Variants in HDAC9 observed in about 807,000 individuals in gnomAD.
HDAC9 encodes the protein histone deacetylase 9, also known as MEF-2 interacting transcription repressor (MITR) protein.
In HDAC9, 41 loss-of-function variants were observed where a neutral mutation model predicts 139.4. That is an observed-to-expected ratio of 0.29 (90% CI 0.23 to 0.38). HDAC9 has a LOEUF of 0.38. Ranked by LOEUF, HDAC9 falls within the 10% of genes least tolerant of loss-of-function variation. The pLI, the probability that HDAC9 is intolerant of heterozygous loss-of-function variation, is 1.00. For synonymous variants in HDAC9, 517 were observed against 476.2 expected, an observed-to-expected ratio of 1.09 and a Z score of -1.12; for missense variants, 1,147 against 1,297.0, an observed-to-expected ratio of 0.88 and a Z score of 1.78.
chr7:18,266,325 G>A (rs950282053), intron 2 of HDAC9, among the ~76,000 whole-genome samples: 26 of 151,986 alleles, frequency 1.7e-4, no homozygotes, highest in Admixed American at 7.2e-4. Flanking sequence ...TTTCCTTACC[G>A]TGACAGGCAC....
chr7:18,608,859 T>C (rs1178350778), intron 6 of HDAC9, among the ~76,000 whole-genome samples: 2 of 152,200 alleles, frequency 1.3e-5, no homozygotes, highest in African/African-American at 4.8e-5. Flanking sequence ...GATTGATTGA[T>C]ACTTTAATTC....
intron 1 of HDAC9, among the ~76,000 whole-genome samples, chr7:18,482,901 A>G (rs1332676406): frequency 1.3e-5 from 2 of 152,166 alleles, no homozygotes; most frequent in Admixed American, 6.5e-5. Context: ...AAAGCAAATC[A>G]TATTTGTTAT....
chr7:18,797,703 C>T (rs888734153), intron 17 of HDAC9, among the ~76,000 whole-genome samples: 2 of 151,928 alleles, frequency 1.3e-5, no homozygotes, highest in African/African-American at 4.8e-5. Flanking sequence ...TTGGCAGGCG[C>T]CTGTAATCCC....
chr7:18,529,230 C>T (rs1301692721), intron 2 of HDAC9, among the ~76,000 whole-genome samples: 1 of 152,120 alleles, frequency 6.6e-6, no homozygotes, highest in African/African-American at 2.4e-5. Context: ...TCCAGATAAC[C>T]TTCCAAGGAA....
chr7:18,904,794 C>T (rs1344636498), intron 22 of HDAC9, among the ~76,000 whole-genome samples: 2 of 152,054 alleles, frequency 1.3e-5, no homozygotes, highest in African/African-American at 4.8e-5. Flanking sequence ...CCAGGATGGT[C>T]TCGATCTCCT....
At chr7:18,427,613 C>A (rs1321848535) in intron 1 of HDAC9, among the ~76,000 whole-genome samples, 1 of 151,812 alleles carries the variant, frequency 6.6e-6, no homozygotes, top group African/African-American at 2.4e-5. Context: ...ATTACAGTAA[C>A]CTTCTCATTG....
chr7:18,786,328 C>T (rs774873026), intron 16 of HDAC9, among the ~76,000 whole-genome samples: 2 of 152,104 alleles, frequency 1.3e-5, no homozygotes, highest in Non-Finnish European at 2.9e-5. Flanking sequence ...ACTCTTTATC[C>T]TCTTGTAGTC....
chr7:18,245,750 C>T (rs302147), intron 2 of HDAC9, among the ~76,000 whole-genome samples: 118,510 of 152,026 alleles, frequency 0.78, 46,340 homozygotes, highest in South Asian at 0.87. Flanking sequence ...TCTGCCACCC[C>T]GAATTCTCCA....
chr7:18,727,540 T>C, intron 12 of HDAC9, 40 bp from the exon 13 acceptor site: 3 of 1,531,184 alleles, frequency 2.0e-6, no homozygotes, highest in Non-Finnish European at 1.8e-6. Context: ...TCAATCCTTG[T>C]CTCACATTTC....
chr7:18,963,509 G>C (rs1208632914), intron 24 of HDAC9, among the ~76,000 whole-genome samples: 1 of 152,144 alleles, frequency 6.6e-6, no homozygotes, highest in African/African-American at 2.4e-5. Flanking sequence ...GGGAGAGTTG[G>C]CAGAAATGAG....
intron 6 of HDAC9, among the ~76,000 whole-genome samples, chr7:18,627,907 A>G (rs1842123248): frequency 6.6e-6 from 1 of 152,004 alleles, no homozygotes. Flanking sequence ...TTAAGTTCCT[A>G]TTTCACCAAG....
intron 24 of HDAC9, among the ~76,000 whole-genome samples, chr7:18,960,481 A>G (rs1337484456): frequency 2.0e-5 from 3 of 152,150 alleles, no homozygotes; most frequent in Non-Finnish European, 4.4e-5. Context: ...TCTTAGAAGT[A>G]ACAACTGATA....
chr7:18,984,814 C>G (rs191459989), intron 25 of HDAC9, among the ~76,000 whole-genome samples: 7 of 152,220 alleles, frequency 4.6e-5, no homozygotes, highest in African/African-American at 1.7e-4. Context: ...ATAAGGCAAA[C>G]TAGGGTTGAG....
intron 16 of HDAC9, among the ~76,000 whole-genome samples, chr7:18,787,042 T>C (rs1486180065): frequency 6.6e-6 from 1 of 152,118 alleles, no homozygotes; most frequent in Non-Finnish European, 1.5e-5. Flanking sequence ...TCTACGTAAT[T>C]CTCATGTTTT....
In HDAC9 at chr7:18,696,251, A is replaced by G. The variant is rs562456263; in HGVS notation, c.1731+29775A>G. On this transcript the variant is annotated intron_variant, in intron 12 of 25. Transcript: ENST00000686413. ...ACTGAAATAGATTGGCTGTGAAATT[A>G]TAGTTAAATTATCTTAAATGTTGTC... 1.4e-4 allele frequency among the ~76,000 whole-genome samples: 21 copies of G among 151,504 alleles called. No homozygotes were observed. The East Asian group carries it at 3.5e-3, about 25-fold the overall frequency.
chr7:18,394,320 G>T (rs1786821574), intron 1 of HDAC9, among the ~76,000 whole-genome samples: 1 of 152,138 alleles, frequency 6.6e-6, no homozygotes, highest in Non-Finnish European at 1.5e-5. Context: ...TAGGGTTATT[G>T]CAGGTGGTGT....
chr7:18,647,991 T>G lies in HDAC9; in HGVS notation c.1242T>G (p.Leu414=). Residue 414 remains leucine (L), a synonymous_variant, in exon 10 of 26, where the codon CTT becomes CTG. Coordinates refer to ENST00000686413, the MANE Select transcript of HDAC9 (RefSeq NM_178425.4). ...AACAAATGCGACAGCAAAAGCTTCT[T>G]GTAGCTGGTAATTCATTATGGCACC... ...LKEQMRQQKL[L]VAGGVPLHPQ... is the part of the protein sequence containing the mutation. 4.4e-6 allele frequency: 7 copies of G among 1,605,884 alleles called. No homozygotes were observed. The highest frequency in any genetic ancestry group is 6.0e-6 in the Non-Finnish European group (7 of 1,175,656).
At chr7:18,133,469 G>C (rs1015315519) in intron 1 of HDAC9, among the ~76,000 whole-genome samples, 2 of 152,108 alleles carry the variant, frequency 1.3e-5, no homozygotes, top group African/African-American at 2.4e-5. Context: ...GGGAGACTTA[G>C]GAGCTAAGTC....
chr7:18,557,069 GA>G (rs2128689919), intron 2 of HDAC9, among the ~76,000 whole-genome samples: 1 of 152,040 alleles, frequency 6.6e-6, no homozygotes, highest in Non-Finnish European at 1.5e-5. Flanking sequence ...GATTCAAGAG[GA>G]ATTTTTAAAT....
Sources: gnomAD v4.1 joint callset for allele counts (sites outside exome capture counted in the v4.1 genomes callset) on GRCh38, gnomAD v4.1.1 for gene constraint, MANE v1.5 for transcripts, NCBI Gene and HGNC (gene_info 2026-07-23, HGNC 2026-07-21) for gene names.